The following STK31 variants were observed in gnomAD, a reference collection of about 807,000 sequenced individuals.
The protein encoded by STK31 is serine/threonine-protein kinase 31.
In STK31, 89 loss-of-function variants were observed where a neutral mutation model predicts 129.7. That is an observed-to-expected ratio of 0.69 (90% CI 0.58 to 0.82). STK31 has a LOEUF of 0.82. STK31 is among the 40% of genes least tolerant of loss of function. The pLI is 0.00. For synonymous variants in STK31, 448 were observed against 395.3 expected, an observed-to-expected ratio of 1.13 and a Z score of -1.58; for missense variants, 1,187 against 1,176.4, an observed-to-expected ratio of 1.01 and a Z score of -0.13.
Position 23,752,819 on chromosome 7 carries a change from C to T in STK31, c.1120C>T (p.Leu374=), listed in dbSNP as rs1246071820. The T allele has an allele frequency of 1.2e-6, 2 of 1,604,416 alleles. No individual in the cohort carries two copies. The highest frequency in any genetic ancestry group is 2.2e-5 in the South Asian group (2 of 90,340). Residue 374 remains leucine, a synonymous_variant, in exon 9 of 24, where the codon CTG becomes TTG. Transcript: ENST00000355870. ...AAATCTGGCAGCTAAGATGGAAATA[C>T]TGAAAGAAATGAGGTAGGTAAAAGC... ...MKNLAAKMEI[L]KEMRHVDISV... is the part of the protein sequence containing the mutation.
At chr7:23,767,253 C>A (rs1275428862) in intron 11 of STK31, among the ~76,000 whole-genome samples, 3 of 152,060 alleles carry the variant, frequency 2.0e-5, no homozygotes, top group African/African-American at 4.8e-5. Context: ...CTGTTCACAC[C>A]ATTTTATCCT....
At chr7:23,767,730 T>G (rs542979296) in intron 11 of STK31, among the ~76,000 whole-genome samples, 4 of 152,312 alleles carry the variant, frequency 2.6e-5, no homozygotes, top group Admixed American at 2.6e-4. Flanking sequence ...CTGTTTTTCT[T>G]TCTGATGTGA....
At chr7:23,777,264 A>T (rs1790612759) in intron 15 of STK31, among the ~76,000 whole-genome samples, 1 of 152,186 alleles carries the variant, frequency 6.6e-6, no homozygotes, top group African/African-American at 2.4e-5. Context: ...GTTTTAGAAT[A>T]AGTGTGATGT....
chr7:23,787,868 C>T (rs911631718), intron 20 of STK31, 112 bp from the exon 21 acceptor site: 7 of 1,013,370 alleles, frequency 6.9e-6, no homozygotes, highest in Non-Finnish European at 9.6e-6. Flanking sequence ...ATTAATGGTT[C>T]ATTTCGAGGA....
chr7:23,787,726 C>T (rs1311674130), intron 20 of STK31, among the ~76,000 whole-genome samples: 2 of 148,448 alleles, frequency 1.3e-5, no homozygotes, highest in Non-Finnish European at 3.0e-5. Flanking sequence ...CCCTGGTGCC[C>T]AAAAGGTATG....
intron 1 of STK31, 137 bp from the exon 2 acceptor site, chr7:23,711,962 T>C (rs1785993918): frequency 2.9e-6 from 2 of 688,236 alleles, no homozygotes; most frequent in Non-Finnish European, 4.8e-6. Flanking sequence ...AATATTGAGC[T>C]CATTTTTAAT....
At position 23,736,944 on chromosome 7, in the gene STK31, G is replaced by C. The variant is rs751575578; in HGVS notation, c.883G>C (p.Val295Leu). 12 of 1,612,598 alleles carry C rather than the reference G, an allele frequency of 7.4e-6. No homozygotes were observed. Among genetic ancestry groups the C allele is most frequent in the Non-Finnish European group, 1.0e-5 (12 of 1,179,514 alleles). The change falls in exon 8 of 24, where the codon GTC (valine) becomes CTC (leucine). Residue 295 changes from valine (V) to leucine (L), a missense_variant. Val to Leu is a conservative substitution (Grantham distance 32). Transcript: ENST00000355870. ...AVGDFNLGSN[V>L]SLEKIKQDQK... ...TGGTGACTTTAATTTAGGGTCTAAC[G>C]TCAGCCTGGAAAAAATTAAGCAGGA... is the stretch of plus-strand genomic sequence containing the variant.
intron 22 of STK31, among the ~76,000 whole-genome samples, chr7:23,797,759 A>G (rs1792066804): frequency 6.6e-6 from 1 of 151,704 alleles, no homozygotes; most frequent in Non-Finnish European, 1.5e-5. Context: ...AATAATTAAG[A>G]TCAGGGCAGA....
At chr7:23,730,858 A>T (rs868853471) in intron 6 of STK31, among the ~76,000 whole-genome samples, 889 of 55,212 alleles carry the variant, frequency 0.016, 10 homozygotes, top group African/African-American at 0.047. Context: ...ATAAACATTT[A>T]TATATATATA....
At chr7:23,749,245 A>G (rs1788536717) in intron 8 of STK31, among the ~76,000 whole-genome samples, 1 of 152,114 alleles carries the variant, frequency 6.6e-6, no homozygotes, top group South Asian at 2.1e-4. Context: ...GATAATTCCA[A>G]CATCCCGTCT....
At chr7:23,740,161 C>CA (rs1787970488) in intron 8 of STK31, among the ~76,000 whole-genome samples, 2 of 152,090 alleles carry the variant, frequency 1.3e-5, no homozygotes, top group South Asian at 4.1e-4. Context: ...AGGCTGGTCT[C>CA]AAACTTCTGG....
At chr7:23,737,969 A>T (rs918633299) in intron 8 of STK31, among the ~76,000 whole-genome samples, 2 of 152,018 alleles carry the variant, frequency 1.3e-5, no homozygotes, top group Admixed American at 1.3e-4. Flanking sequence ...GGTGTCTAAT[A>T]ATTCAGCTCC....
At chr7:23,727,162 G>A (rs1787137619) in intron 4 of STK31, 79 bp from the exon 5 acceptor site, 1 of 1,134,364 alleles carries the variant, frequency 8.8e-7, no homozygotes, top group Non-Finnish European at 1.3e-6. Context: ...TATAGGAAGA[G>A]CTTAAATGCT....
Position 23,785,497 on chromosome 7 carries a change from C to T in STK31, c.2168C>T (p.Thr723Ile), listed in dbSNP as rs1212247200. 4.3e-6 allele frequency: 7 copies of T among 1,613,678 alleles called. No homozygotes were observed. Among genetic ancestry groups the T allele is most frequent in the African/African-American group, 1.3e-5 (1 of 74,886 alleles). The change falls in exon 18 of 24, where the codon ACA (threonine) becomes ATA (isoleucine). Residue 723 changes from threonine to isoleucine, a missense_variant. Coordinates refer to ENST00000355870, the MANE Select transcript of STK31 (RefSeq NM_031414.5). ...LKYMNSGGLL[T>I]MSLERDLLDA... The stretch of plus-strand genomic sequence containing the variant: ...GCCTAGAACTCTGGTGGTCTCCTTA[C>T]AATGAGCTTGGAACGAGATCTTCTT...
intron 23 of STK31, among the ~76,000 whole-genome samples, chr7:23,829,826 A>T (rs964322608): frequency 6.6e-6 from 1 of 152,112 alleles, no homozygotes; most frequent in Non-Finnish European, 1.5e-5. Context: ...TGGTCTGTTC[A>T]TGTTTTCTAT....
At chr7:23,750,846 A>T (rs1271604656) in intron 8 of STK31, among the ~76,000 whole-genome samples, 2 of 152,206 alleles carry the variant, frequency 1.3e-5, no homozygotes, top group African/African-American at 4.8e-5. Flanking sequence ...TAGGATATCG[A>T]TCACCTCAAG....
At chr7:23,812,196 G>T (rs1228725892) in intron 22 of STK31, among the ~76,000 whole-genome samples, 1 of 152,018 alleles carries the variant, frequency 6.6e-6, no homozygotes, top group African/African-American at 2.4e-5. Flanking sequence ...ATTACTGATG[G>T]ATAGTTTTAC....
At chr7:23,798,417 T>G (rs932959733) in intron 22 of STK31, among the ~76,000 whole-genome samples, 5 of 142,464 alleles carry the variant, frequency 3.5e-5, no homozygotes, top group Non-Finnish European at 6.1e-5. Flanking sequence ...CAAGTCAGCT[T>G]CATCCCTGGG....
intron 10 of STK31, among the ~76,000 whole-genome samples, chr7:23,762,589 TAGATC>T (rs960860837): frequency 1.4e-3 from 219 of 152,266 alleles, no homozygotes; most frequent in African/African-American, 4.8e-3. Context: ...AAATAAAAAT[TAGATC>T]AGAGTTGTTG....
Sources: allele counts gnomAD v4.1 joint callset (sites outside exome capture counted in the v4.1 genomes callset), GRCh38; gene constraint gnomAD v4.1.1; transcripts MANE v1.5; gene names NCBI Gene and HGNC (gene_info 2026-07-23, HGNC 2026-07-21).